Variants in LPGAT1 observed in about 807,000 individuals in gnomAD.
LPGAT1 encodes the protein lysophosphatidylglycerol acyltransferase 1, also known as acyl-CoA:lysophosphatidylglycerol acyltransferase 1.
LPGAT1 carries 11 observed loss-of-function variants against 47.5 expected under a neutral mutation model. The observed-to-expected ratio is 0.23, with a 90% CI of 0.15 to 0.38. LPGAT1 has a LOEUF of 0.38. LPGAT1 is among the 10% of genes least tolerant of loss of function. The probability of loss-of-function intolerance (pLI) is 1.00; values close to 1 mark genes in which losing one functional copy is unlikely to be tolerated. For synonymous variants in LPGAT1, 138 were observed against 144.2 expected, an observed-to-expected ratio of 0.96 and a Z score of 0.31; for missense variants, 293 against 439.0, an observed-to-expected ratio of 0.67 and a Z score of 2.97.
chr1:211,785,475 A>G (rs935079247), intron 4 of LPGAT1, among the ~76,000 whole-genome samples: 1 of 152,320 alleles, frequency 6.6e-6, no homozygotes, highest in African/African-American at 2.4e-5. Flanking sequence ...ATAAATTTGT[A>G]AACTTTCCAG....
At chr1:211,752,331 A>G (rs1657224491) in intron 6 of LPGAT1, among the ~76,000 whole-genome samples, 1 of 152,202 alleles carries the variant, frequency 6.6e-6, no homozygotes, top group African/African-American at 2.4e-5. Flanking sequence ...CTTTGCAGGT[A>G]TAAAAATAAA....
At chr1:211,773,562 A>G (rs1658265832) in intron 6 of LPGAT1, among the ~76,000 whole-genome samples, 1 of 152,210 alleles carries the variant, frequency 6.6e-6, no homozygotes, top group Non-Finnish European at 1.5e-5. Flanking sequence ...GATTTTAAAC[A>G]TGAAAAGATA....
chr1:211,809,465 G>A (rs1233481477), intron 2 of LPGAT1, among the ~76,000 whole-genome samples: 1 of 152,114 alleles, frequency 6.6e-6, no homozygotes, highest in Non-Finnish European at 1.5e-5. Flanking sequence ...ACTAAGTAAT[G>A]GAATTTAGCA....
At chr1:211,758,572 G>A (rs1657560568) in intron 6 of LPGAT1, among the ~76,000 whole-genome samples, 1 of 152,048 alleles carries the variant, frequency 6.6e-6, no homozygotes, top group Middle Eastern at 3.2e-3. Flanking sequence ...GCATGGTGGT[G>A]GATGCCTGTA....
chr1:211,747,260 T>C lies in LPGAT1; in HGVS notation c.*2639A>G, dbSNP rs1364962879. On this transcript the variant is annotated 3_prime_UTR_variant, in exon 8 of 8. Coordinates refer to ENST00000366997, the MANE Select transcript of LPGAT1 (RefSeq NM_014873.3). The stretch of plus-strand genomic sequence containing the variant: ...CTGATAAGGAAAGCACTACCAATGC[T>C]TTCAAACATATTTTGCAAACAGAAG... 2 of 152,228 alleles carry C rather than the reference T, an allele frequency of 1.3e-5. No individual in the cohort carries two copies. Among genetic ancestry groups the C allele is most frequent in the East Asian group, 3.9e-4 (2 of 5,186 alleles). 9.4% of individuals were successfully genotyped at this position (152,228 alleles called of 1,614,324 possible).
intron 2 of LPGAT1, among the ~76,000 whole-genome samples, chr1:211,824,108 C>T (rs1660457330): frequency 6.6e-6 from 1 of 152,094 alleles, no homozygotes. Context: ...AAAAAGAGAA[C>T]ATTCAGCCCA....
chr1:211,753,511 CTT>C (rs1454348137), intron 6 of LPGAT1, among the ~76,000 whole-genome samples: 39 of 151,646 alleles, frequency 2.6e-4, no homozygotes, highest in South Asian at 2.1e-3. Flanking sequence ...ACACTCAGGT[CTT>C]TTTAATTTTT....
rs531094800 is a variant in LPGAT1, at chr1:211,797,465, G to A, written c.239-4275C>T. Among the ~76,000 whole-genome samples, 5 of 152,022 alleles carry A rather than the reference G, an allele frequency of 3.3e-5. No individual in the cohort carries two copies. The South Asian group carries it at 6.2e-4, about 19-fold the overall frequency. On this transcript the variant is annotated intron_variant, in intron 2 of 7. Transcript: ENST00000366997. ...ATTATCCTGAGGTAGCAATAAGGTC[G>A]TGTTGAATTTTATAATAATTCTAAT... is the stretch of plus-strand genomic sequence containing the variant.
At chr1:211,760,113 A>G (rs1283941024) in intron 6 of LPGAT1, among the ~76,000 whole-genome samples, 2 of 152,224 alleles carry the variant, frequency 1.3e-5, no homozygotes, top group East Asian at 1.9e-4. Flanking sequence ...TAACTGGGCT[A>G]TGCCTGACTG....
At chr1:211,812,412 A>C (rs1418558644) in intron 2 of LPGAT1, among the ~76,000 whole-genome samples, 2 of 152,198 alleles carry the variant, frequency 1.3e-5, no homozygotes, top group Non-Finnish European at 2.9e-5. Context: ...AAAGAGATTA[A>C]CTAGAACACA....
At chr1:211,753,774 TC>T (rs1474932471) in intron 6 of LPGAT1, among the ~76,000 whole-genome samples, 17 of 152,212 alleles carry the variant, frequency 1.1e-4, no homozygotes, top group Non-Finnish European at 2.5e-4. Context: ...AGAGTTCAGG[TC>T]CATTAGATTA....
At chr1:211,774,235 A>G (rs1232237504) in intron 6 of LPGAT1, among the ~76,000 whole-genome samples, 2 of 137,994 alleles carry the variant, frequency 1.4e-5, no homozygotes, top group Non-Finnish European at 3.0e-5. Flanking sequence ...CCCAGGTTCA[A>G]GAGATTCTCC....
At chr1:211,779,484 G>A (rs1044686279) in intron 5 of LPGAT1, among the ~76,000 whole-genome samples, 6 of 152,072 alleles carry the variant, frequency 3.9e-5, no homozygotes, top group Non-Finnish European at 8.8e-5. Context: ...CTGAGGATGG[G>A]CATTAATAAA....
intron 6 of LPGAT1, among the ~76,000 whole-genome samples, chr1:211,762,936 T>A (rs1657759833): frequency 6.6e-6 from 1 of 152,184 alleles, no homozygotes; most frequent in African/African-American, 2.4e-5. Flanking sequence ...TGTAAGGAAC[T>A]AAGCACCGAA....
At chr1:211,812,016 T>C (rs2000168) in intron 2 of LPGAT1, among the ~76,000 whole-genome samples, 148,590 of 152,348 alleles carry the variant, frequency 0.98, 72,477 homozygotes, top group East Asian at 1. Flanking sequence ...CTTCCACAGA[T>C]CTTCATTTGC....
intron 2 of LPGAT1, among the ~76,000 whole-genome samples, chr1:211,806,293 T>TG (rs559304863): frequency 6.4e-4 from 95 of 148,440 alleles, no homozygotes; most frequent in South Asian, 1.5e-3. Flanking sequence ...ATCAATATAA[T>TG]TCACCACATT....
At chr1:211,811,627 T>C (rs146760057) in intron 2 of LPGAT1, among the ~76,000 whole-genome samples, 168 of 152,224 alleles carry the variant, frequency 1.1e-3, no homozygotes, top group Middle Eastern at 3.4e-3. Context: ...CATGGTGGTG[T>C]GCACCTGTAG....
chr1:211,793,483 A>G (rs1659224359), intron 2 of LPGAT1, among the ~76,000 whole-genome samples: 1 of 151,506 alleles, frequency 6.6e-6, no homozygotes, highest in Non-Finnish European at 1.5e-5. Flanking sequence ...CCCAGGCTGG[A>G]GTGTAGTGGT....
Position 211,814,277 on chromosome 1 carries a change from T to C in LPGAT1, c.238+14782A>G, listed in dbSNP as rs112227552. On this transcript the variant is annotated intron_variant, in intron 2 of 7. Transcript: ENST00000366997. ...ATAGTTAGGAACCACAACTACAGAG[T>C]TGATGCCAAAGAGGTTCAGAGGGAG... 5.9e-5 allele frequency among the ~76,000 whole-genome samples: 9 copies of C among 152,016 alleles called. No homozygotes were observed. The South Asian group carries it at 8.3e-4, about 14-fold the overall frequency.
Sources: gnomAD v4.1 joint callset for allele counts (sites outside exome capture counted in the v4.1 genomes callset) on GRCh38, gnomAD v4.1.1 for gene constraint, MANE v1.5 for transcripts, NCBI Gene and HGNC (gene_info 2026-07-23, HGNC 2026-07-21) for gene names.